The following GDAP1L1 variants were observed in gnomAD, a reference collection of about 807,000 sequenced individuals.
The protein encoded by GDAP1L1 is ganglioside-induced differentiation-associated protein 1-like 1.
A neutral mutation model predicts 37.1 loss-of-function variants in GDAP1L1; 21 were observed. The observed-to-expected ratio is 0.57, with a 90% confidence interval of 0.40 to 0.81. GDAP1L1 has a LOEUF of 0.81. Ranked by LOEUF, GDAP1L1 falls within the 40% of genes least tolerant of loss-of-function variation. The pLI is 0.00. For synonymous variants in GDAP1L1, 193 were observed against 209.1 expected (o/e 0.92, Z 0.67); for missense variants, 362 against 491.6 (o/e 0.74, Z 2.49).
At chr20:44,278,868 C>A in intron 5 of GDAP1L1, 89 bp from the exon 6 acceptor site, 1 of 807,868 alleles carries the variant, frequency 1.2e-6, no homozygotes, top group Non-Finnish European at 2.1e-6. Context: ...CTGGGGCAGG[C>A]ATGCAGAAGC....
chr20:44,249,036 T>C (rs991162943), intron 1 of GDAP1L1, among the ~76,000 whole-genome samples: 1 of 149,506 alleles, frequency 6.7e-6, no homozygotes, highest in African/African-American at 2.6e-5. Flanking sequence ...ATGAGTGTTA[T>C]GATTTTTTTT....
At chr20:44,261,567 T>A (rs2073674588) in intron 3 of GDAP1L1, among the ~76,000 whole-genome samples, 1 of 152,206 alleles carries the variant, frequency 6.6e-6, no homozygotes, top group African/African-American at 2.4e-5. Flanking sequence ...ACATAGCCAC[T>A]GCTCTCCAGA....
chr20:44,264,787 A>G, intron 5 of GDAP1L1: 1 of 1,168,564 alleles, frequency 8.6e-7, no homozygotes, highest in Non-Finnish European at 1.1e-6. Context: ...CATCTATAAA[A>G]TGGGGATAAT....
intron 5 of GDAP1L1, among the ~76,000 whole-genome samples, chr20:44,276,595 G>A (rs192573923): frequency 8.2e-4 from 125 of 152,130 alleles, no homozygotes; most frequent in African/African-American, 2.3e-3. Flanking sequence ...TTTTTGTTAT[G>A]TTTACTTTTA....
intron 3 of GDAP1L1, among the ~76,000 whole-genome samples, chr20:44,258,916 C>T (rs2073618222): frequency 6.6e-6 from 1 of 152,122 alleles, no homozygotes; most frequent in South Asian, 2.1e-4. Context: ...CTCTCTCCCT[C>T]TCTGCCAGTC....
rs914365119 is a variant in GDAP1L1, at chr20:44,247,448, C to T, written c.114C>T (p.Ser38=). The stretch of plus-strand genomic sequence containing the variant: ...CCCCCGACGCTCCCGAGGCGGCCAG[C>T]CCCGCCCATTGGCCCAGGGAGAGCC... The part of the protein sequence containing the change: ...AEAPDAPEAA[S]PAHWPRESLV... The change falls in exon 1 of 6, where the codon AGC becomes AGT. Residue 38 remains serine (S), a synonymous_variant. Transcript: ENST00000342560. 1 of 1,607,192 alleles carries T rather than the reference C, an allele frequency of 6.2e-7. No individual in the cohort carries two copies. Among genetic ancestry groups the T allele is most frequent in the Non-Finnish European group, 8.5e-7 (1 of 1,177,252 alleles).
rs566893451 is a variant in GDAP1L1, at chr20:44,263,321, G to C, written c.639G>C (p.Lys213Asn). The C allele has an allele frequency of 6.2e-7, 1 of 1,612,686 alleles. No individual in the cohort carries two copies. Among genetic ancestry groups the C allele is most frequent in the East Asian group, 2.2e-5 (1 of 44,874 alleles). The change falls in exon 4 of 6, where the codon AAG (lysine) becomes AAC (asparagine). Residue 213 changes from lysine to asparagine, a missense_variant. Transcript: ENST00000342560. ...LSEPYLSKQKKLMAKILEHDD... is the reference protein window; with the variant it reads ...LSEPYLSKQKNLMAKILEHDD... Reference sequence around the variant, plus strand: ...AGCCCTACCTTTCTAAACAAAAGAAGCTCATGGTGAGTACCTCCCGGCCTG... The same window carrying C: ...AGCCCTACCTTTCTAAACAAAAGAACCTCATGGTGAGTACCTCCCGGCCTG...
At chr20:44,252,811 A>G (rs1450492916) in intron 1 of GDAP1L1, among the ~76,000 whole-genome samples, 1 of 145,890 alleles carries the variant, frequency 6.9e-6, no homozygotes, top group Non-Finnish European at 1.5e-5. Flanking sequence ...CAACTGAGTG[A>G]GACCCTGTCT....
chr20:44,257,188 C>A lies in GDAP1L1; in HGVS notation c.216C>A (p.Cys72Ter). 6.2e-7 allele frequency: 1 copy of A among 1,604,820 alleles called. No individual in the cohort carries two copies. Among genetic ancestry groups the A allele is most frequent in the Non-Finnish European group, 8.5e-7 (1 of 1,176,756 alleles). ...RLVIAEKGLV[C>*]EERDVSLPQS... ...TGATCGCCGAGAAGGGCCTGGTGTG[C>A]GAGGAGCGGGACGTGAGCCTGCCAC... Residue 72 changes from cysteine (C) to a stop codon, truncating the protein, a stop_gained, in exon 2 of 6, where the codon TGC (cysteine) becomes TGA (stop). Transcript: ENST00000342560. LOFTEE classifies it high-confidence loss of function.
chr20:44,274,507 G>A (rs141328453), intron 5 of GDAP1L1, among the ~76,000 whole-genome samples: 379 of 152,182 alleles, frequency 2.5e-3, no homozygotes, highest in Non-Finnish European at 4.3e-3. Context: ...GTCGCCAGTC[G>A]GTAAACGCAG....
At chr20:44,262,507 A>G (rs1303611430) in intron 3 of GDAP1L1, among the ~76,000 whole-genome samples, 9 of 151,906 alleles carry the variant, frequency 5.9e-5, no homozygotes, top group Non-Finnish European at 1.2e-4. Context: ...GGTTGGGTCT[A>G]TCGGTTTCTG....
rs951324022 is a variant in GDAP1L1 at position 44,261,280 on chromosome 20, G to A, written c.548-1950G>A. 1.3e-4 allele frequency among the ~76,000 whole-genome samples: 19 copies of A among 147,516 alleles called. No homozygotes were observed. In the South Asian group the frequency reaches 1.5e-3, roughly 12 times the overall value. ...AGTCTGAAGCCACCACATGGGCAGC[G>A]CTGGGTGACACGCAAGAAAGATGCT... On this transcript the variant is annotated intron_variant, in intron 3 of 5. Coordinates refer to ENST00000342560, the MANE Select transcript of GDAP1L1 (RefSeq NM_024034.6).
At position 44,280,891 on chromosome 20, in the gene GDAP1L1, T is replaced by A. The variant is rs1416681392; in HGVS notation, c.*1591T>A. The A allele has an allele frequency of 6.6e-6, 1 of 152,238 alleles. No individual in the cohort carries two copies. The highest frequency in any genetic ancestry group is 2.4e-5 in the African/African-American group (1 of 41,462). The allele number at this position is 152,238 out of a possible 1,614,324, so 9.4% of individuals were successfully genotyped here. On this transcript the variant is annotated 3_prime_UTR_variant, in exon 6 of 6. Coordinates refer to ENST00000342560, the MANE Select transcript of GDAP1L1 (RefSeq NM_024034.6). ...AAAGAACATTAAATCAGGAGTATAA[T>A]GTGTAGAATATAAGGCATGGTTTTA...
Position 44,264,531 on chromosome 20 carries a change from G to C in GDAP1L1, c.732G>C (p.Glu244Asp). Residue 244 changes from glutamate (E) to aspartate (D), a missense_variant, in exon 5 of 6, where the codon GAG becomes GAC. By Grantham distance (45) the Glu-to-Asp change is conservative (BLOSUM62 2). Around this residue, in one of 2 missense-constraint regions of GDAP1L1, gnomAD observed 277 missense variants for 337.1 expected, o/e 0.82. Transcript: ENST00000342560. ...TGGTGCTGGACCAGATTGAGGCGGA[G>C]CTGGAGAAGAGGAAGCTGGAGAACG... ...LAMVLDQIEA[E>D]LEKRKLENEG... 6.2e-7 allele frequency: 1 copy of C among 1,607,904 alleles called. No individual in the cohort carries two copies. The highest frequency in any genetic ancestry group is 1.7e-5 in the Admixed American group (1 of 59,226).
At chr20:44,252,790 T>A (rs2145990401) in intron 1 of GDAP1L1, among the ~76,000 whole-genome samples, 1 of 145,434 alleles carries the variant, frequency 6.9e-6, no homozygotes, top group Admixed American at 7.0e-5. Context: ...ACCATTGAAC[T>A]CCAGCCTGGA....
chr20:44,272,504 C>G (rs996209218), intron 5 of GDAP1L1, among the ~76,000 whole-genome samples: 3 of 152,172 alleles, frequency 2.0e-5, no homozygotes, highest in Non-Finnish European at 4.4e-5. Flanking sequence ...CTGGGCAGCA[C>G]GGAGTGCCCT....
At chr20:44,252,841 T>C (rs1315895348) in intron 1 of GDAP1L1, among the ~76,000 whole-genome samples, 2 of 143,394 alleles carry the variant, frequency 1.4e-5, no homozygotes, top group African/African-American at 5.2e-5. Flanking sequence ...AAAAAAAAAA[T>C]CCTATGCACA....
intron 5 of GDAP1L1, among the ~76,000 whole-genome samples, chr20:44,278,588 C>T (rs1356391654): frequency 1.3e-5 from 2 of 152,086 alleles, no homozygotes; most frequent in East Asian, 3.9e-4. Context: ...ACCATAGTGG[C>T]CAGGCTGGTC....
chr20:44,263,538 T>A (rs1397290408), intron 4 of GDAP1L1, among the ~76,000 whole-genome samples: 1 of 152,138 alleles, frequency 6.6e-6, no homozygotes, highest in African/African-American at 2.4e-5. Context: ...ATGTGTTAGG[T>A]TGTGTCTTTA....
Sources: allele counts gnomAD v4.1 joint callset (sites outside exome capture counted in the v4.1 genomes callset), GRCh38; gene constraint gnomAD v4.1.1; regional missense constraint gnomAD v4.1.1; transcripts MANE v1.5; gene names NCBI Gene and HGNC (gene_info 2026-07-23, HGNC 2026-07-21).